The following METTL15 variants were observed in gnomAD, a reference collection of about 807,000 sequenced individuals.
METTL15 encodes the protein methyltransferase 15, mitochondrial 12S rRNA N4-cytidine.
Under a neutral mutation model 38.3 loss-of-function variants are expected in METTL15, and 34 were observed. That is an observed-to-expected ratio of 0.89 (90% CI 0.68 to 1.18). METTL15 has a LOEUF of 1.18. Among genes scored for constraint, METTL15 ranks in the 50% most tolerant of loss-of-function variants. METTL15 has a pLI of 0.00. For missense variants in METTL15, 438 were observed against 498.4 expected (o/e 0.88, Z 1.15); for synonymous variants, 162 against 170.9 (o/e 0.95, Z 0.41).
intron 4 of METTL15, among the ~76,000 whole-genome samples, chr11:28,289,562 G>T (rs557554760): frequency 5.2e-4 from 79 of 152,248 alleles, no homozygotes; most frequent in African/African-American, 1.8e-3. Flanking sequence ...GTAGGAAGAA[G>T]AATTAGTATA....
chr11:28,124,246 C>A (rs972716832), intron 3 of METTL15, among the ~76,000 whole-genome samples: 1 of 152,096 alleles, frequency 6.6e-6, no homozygotes, highest in Non-Finnish European at 1.5e-5. Flanking sequence ...AGAAGATCTT[C>A]AGAGCTTGTT....
intron 3 of METTL15, among the ~76,000 whole-genome samples, chr11:28,165,657 T>C (rs1850632738): frequency 6.6e-6 from 1 of 152,150 alleles, no homozygotes. Context: ...ACATTTTAGT[T>C]TGATACAATT....
intron 4 of METTL15, among the ~76,000 whole-genome samples, chr11:28,236,195 T>C (rs913486034): frequency 6.6e-6 from 1 of 152,166 alleles, no homozygotes; most frequent in African/African-American, 2.4e-5. Flanking sequence ...GATGTGCTGC[T>C]GTATTCGGTT....
Position 28,197,441 on chromosome 11 carries a change from A to T in METTL15, c.271-13621A>T, listed in dbSNP as rs1565158273. 5 of 350,556 alleles carry T rather than the reference A, an allele frequency of 1.4e-5. No homozygotes were observed. The Admixed American group carries it at 1.5e-4, about 11-fold the overall frequency. 21.7% of individuals were successfully genotyped at this position (350,556 alleles called of 1,614,324 possible). A position where few individuals can be genotyped will look rare whatever the true frequency, so the allele number is the denominator to read the frequency against. On this transcript the variant is annotated intron_variant, in intron 3 of 6. Transcript: ENST00000407364. ...ATTTATATGACACTACTTTTTTCAGATTTTGTTCATGTGTATTGTCTTATT... is the reference window on the plus strand; with the variant it reads ...ATTTATATGACACTACTTTTTTCAGTTTTTGTTCATGTGTATTGTCTTATT...
At chr11:28,122,121 G>A (rs1409602270) in intron 3 of METTL15, 1 of 1,217,572 alleles carries the variant, frequency 8.2e-7, no homozygotes, top group Non-Finnish European at 1.1e-6. Flanking sequence ...AAAGTATCAA[G>A]TTTAGAAATT....
chr11:28,483,235 C>T (rs993356563), intron 6 of METTL15, among the ~76,000 whole-genome samples: 6 of 152,110 alleles, frequency 3.9e-5, no homozygotes, highest in Middle Eastern at 3.2e-3. Flanking sequence ...TTCGACAAGA[C>T]GACAGAAGAC....
rs1416367540 is a variant in METTL15 at position 28,296,763 on chromosome 11, A to G, written c.610A>G (p.Met204Val). The G allele has an allele frequency of 1.9e-6, 3 of 1,613,198 alleles. No homozygotes were observed. Among genetic ancestry groups the G allele is most frequent in the Non-Finnish European group, 2.5e-6 (3 of 1,179,552 alleles). Reference protein sequence around the residue: ...MRMDGGRYPDMPTAADVVNAL... With the variant: ...MRMDGGRYPDVPTAADVVNAL... The stretch of plus-strand genomic sequence containing the variant: ...TCTTCTTGTGCGTAGGTACCCTGAC[A>G]TGCCCACTGCTGCTGATGTTGTGAA... Residue 204 changes from methionine (M) to valine (V), a missense_variant, in exon 6 of 7, where the codon ATG (methionine) becomes GTG (valine). Met to Val is a conservative substitution (Grantham distance 21). Transcript: ENST00000407364.
At chr11:28,238,410 C>T (rs1458058150) in intron 4 of METTL15, among the ~76,000 whole-genome samples, 2 of 152,230 alleles carry the variant, frequency 1.3e-5, no homozygotes, top group African/African-American at 4.8e-5. Context: ...CCCTCTGAGC[C>T]AGGTGTGGGT....
At chr11:28,365,624 G>A (rs1427420728) in intron 5 of METTL15, among the ~76,000 whole-genome samples, 1 of 152,026 alleles carries the variant, frequency 6.6e-6, no homozygotes, top group Non-Finnish European at 1.5e-5. Flanking sequence ...GGACTCTGGG[G>A]CTGGAAATTG....
At chr11:28,235,741 G>T (rs1486160152) in intron 4 of METTL15, among the ~76,000 whole-genome samples, 2 of 152,100 alleles carry the variant, frequency 1.3e-5, no homozygotes. Flanking sequence ...ATACAATCAT[G>T]TCATCTGCAA....
intron 6 of METTL15, among the ~76,000 whole-genome samples, chr11:28,297,177 A>G (rs1565234165): frequency 6.6e-6 from 1 of 152,056 alleles, no homozygotes; most frequent in Non-Finnish European, 1.5e-5. Flanking sequence ...TTAAAAAAAT[A>G]TACTGTAGTT....
chr11:28,246,915 A>G (rs1371652058), intron 4 of METTL15, among the ~76,000 whole-genome samples: 1 of 152,188 alleles, frequency 6.6e-6, no homozygotes, highest in Non-Finnish European at 1.5e-5. Flanking sequence ...ATATAAAAAC[A>G]ATACTTGATT....
chr11:28,498,314 A>G (rs1251932134), intron 6 of METTL15, among the ~76,000 whole-genome samples: 3 of 151,860 alleles, frequency 2.0e-5, no homozygotes, highest in Admixed American at 2.0e-4. Context: ...GCCCACCACC[A>G]CGCCCGGCTA....
chr11:28,500,321 C>G (rs1851571900), intron 6 of METTL15, among the ~76,000 whole-genome samples: 1 of 152,152 alleles, frequency 6.6e-6, no homozygotes, highest in East Asian at 1.9e-4. Flanking sequence ...GGGGAAGACC[C>G]TTGACAAGAA....
intron 4 of METTL15, among the ~76,000 whole-genome samples, chr11:28,254,146 T>C (rs1003885483): frequency 2.0e-5 from 3 of 152,196 alleles, no homozygotes; most frequent in African/African-American, 4.8e-5. Context: ...GCATTTGTTA[T>C]TACCTGTCTT....
chr11:28,357,859 CA>C (rs1355199452), intron 4 of METTL15, among the ~76,000 whole-genome samples: 2 of 151,814 alleles, frequency 1.3e-5, no homozygotes, highest in Admixed American at 1.3e-4. Context: ...TGTAGTGATT[CA>C]AAAGAAATGA....
At chr11:28,165,894 A>C (rs1183838990) in intron 3 of METTL15, among the ~76,000 whole-genome samples, 1 of 152,074 alleles carries the variant, frequency 6.6e-6, no homozygotes, top group Non-Finnish European at 1.5e-5. Flanking sequence ...TTCCAACACC[A>C]TTTGTTGAAG....
At chr11:28,420,238 A>G (rs1564926282) in intron 5 of METTL15, among the ~76,000 whole-genome samples, 1 of 152,170 alleles carries the variant, frequency 6.6e-6, no homozygotes, top group Admixed American at 6.5e-5. Context: ...CATTAGAGCT[A>G]AAGAGAGAGC....
At chr11:28,465,069 C>G (rs1447877349) in intron 6 of METTL15, among the ~76,000 whole-genome samples, 1 of 152,196 alleles carries the variant, frequency 6.6e-6, no homozygotes, top group Non-Finnish European at 1.5e-5. Flanking sequence ...CCCTAAGCCT[C>G]CTCTTAACAC....
Sources: allele counts gnomAD v4.1 joint callset (sites outside exome capture counted in the v4.1 genomes callset), GRCh38; gene constraint gnomAD v4.1.1; transcripts MANE v1.5; gene names NCBI Gene and HGNC (gene_info 2026-07-23, HGNC 2026-07-21).